The following PRPF8 variants were observed in gnomAD, a reference collection of about 807,000 sequenced individuals.
PRPF8 encodes the protein pre-mRNA processing factor 8.
A neutral mutation model predicts 285.9 loss-of-function variants in PRPF8; 64 were observed. That is an observed-to-expected ratio of 0.22 (90% CI 0.18 to 0.28). The LOEUF (loss-of-function observed/expected upper bound fraction) is 0.28, where lower values mean the gene tolerates loss of function less well. Among genes scored for constraint, PRPF8 ranks in the 10% least tolerant of loss-of-function variants. The pLI, the probability that PRPF8 is intolerant of heterozygous loss-of-function variation, is 1.00. For synonymous variants in PRPF8, 1,325 were observed against 1,118.2 expected (o/e 1.18, Z -3.69); for missense variants, 1,426 against 3,026.7 (o/e 0.47, Z 12.41).
At chr17:1,677,773 C>A in intron 13 of PRPF8, 79 bp from the exon 14 acceptor site, 61 of 1,548,626 alleles carry the variant, frequency 3.9e-5, no homozygotes, top group Middle Eastern at 1.9e-4. Flanking sequence ...AGAGGTGGGG[C>A]ATATATGTAT....
In PRPF8 at chr17:1,654,022, G is replaced by C. The variant is rs1911215322; in HGVS notation, c.5988-6C>G. The C allele has an allele frequency of 2.5e-6, 4 of 1,614,060 alleles. No homozygotes were observed. The highest frequency in any genetic ancestry group is 2.2e-5 in the East Asian group (1 of 44,894). On this transcript the variant is annotated splice_region_variant and splice_polypyrimidine_tract_variant and intron_variant, in intron 37 of 42. Coordinates refer to ENST00000304992, the MANE Select transcript of PRPF8 (RefSeq NM_006445.4). ...TCAGTGATGCCACGTTCACACTGTGGGGATGGTGTGGGTTATATTACAAGG... is the reference window on the plus strand; with the variant it reads ...TCAGTGATGCCACGTTCACACTGTGCGGATGGTGTGGGTTATATTACAAGG...
Position 1,679,698 on chromosome 17 carries a change from A to G in PRPF8, c.1200T>C (p.Asn400=). Residue 400 remains asparagine, a synonymous_variant, in exon 9 of 43, where the codon AAT becomes AAC. Transcript: ENST00000304992. The surrounding 1 kb of genome is among the most constrained non-coding windows in gnomAD (Gnocchi z 4.7). ...DTPLYTDNTA[N]GIALLWAPRP... ...GCGGGGCCCAGAGCAGGGCAATGCC[A>G]TTGGCTGTATTGTCTGTATAGAGGG... 6.2e-7 allele frequency: 1 copy of G among 1,614,166 alleles called. No homozygotes were observed.
In PRPF8 at chr17:1,674,470, A is replaced by T; in HGVS notation, c.3271T>A (p.Tyr1091Asn). The stretch of plus-strand genomic sequence containing the variant: ...AAAAAAATATGGATGCGATCAATGT[A>T]TCTGCAGAAGAGACGGATGGGGTGG... Reference protein sequence around the residue: ...AAHPIRLFCRYIDRIHIFFRF... With the variant: ...AAHPIRLFCRNIDRIHIFFRF... Residue 1091 changes from tyrosine (Y) to asparagine (N), a missense_variant, in exon 21 of 43, where the codon TAC becomes AAC. Around this residue, in one of 34 missense-constraint regions of PRPF8, gnomAD observed 148 missense variants for 196.2 expected, o/e 0.75. Transcript: ENST00000304992. The T allele has an allele frequency of 6.2e-7, 1 of 1,614,204 alleles. No individual in the cohort carries two copies. Among genetic ancestry groups the T allele is most frequent in the South Asian group, 1.1e-5 (1 of 91,084 alleles).
In PRPF8 at chr17:1,651,307, G is replaced by A. The variant is rs1252637974; in HGVS notation, c.6654C>T (p.Phe2218=). 2.5e-6 allele frequency: 4 copies of A among 1,614,042 alleles called. No individual in the cohort carries two copies. The highest frequency in any genetic ancestry group is 1.3e-5 in the African/African-American group (1 of 74,914). ...GEKTIIITCS[F]TPGSCTLTAY... is the part of the protein sequence containing the mutation. Reference sequence around the variant, plus strand: ...CCGTCAGTGTACAGGAGCCTGGCGTGAAGCTGGGGGAGGAACGAGGACAGA... The same window carrying A: ...CCGTCAGTGTACAGGAGCCTGGCGTAAAGCTGGGGGAGGAACGAGGACAGA... The change falls in exon 42 of 43, where the codon TTC becomes TTT. Residue 2218 remains phenylalanine (F), a synonymous_variant. Transcript: ENST00000304992. The surrounding 1 kb of genome is among the most constrained non-coding windows in gnomAD (Gnocchi z 5.1).
In PRPF8 at chr17:1,658,926, G is replaced by A; in HGVS notation, c.5139-163C>T. The A allele has an allele frequency of 2.7e-6, 2 of 727,976 alleles. No individual in the cohort carries two copies. The highest frequency in any genetic ancestry group is 1.5e-5 in the South Asian group (1 of 67,462). 45.1% of individuals were successfully genotyped at this position (727,976 alleles called of 1,614,324 possible). ...AGAAGAGAATCAGTGACCCATAGGA[G>A]GAATGGGCCACTTCCTCTCACTTAG... On this transcript the variant is annotated intron_variant, in intron 32 of 42. Transcript: ENST00000304992. This position sits in a 1 kb window ranked among gnomAD's most constrained non-coding sequence, Gnocchi z 4.1.
chr17:1,673,357 C>T lies in PRPF8; in HGVS notation c.3657G>A (p.Glu1219=). The T allele has an allele frequency of 6.2e-7, 1 of 1,614,070 alleles. No individual in the cohort carries two copies. The highest frequency in any genetic ancestry group is 2.2e-5 in the East Asian group (1 of 44,888). The part of the protein sequence containing the change: ...HKDGVWNLQN[E]VTKERTAQCF... ...ACTCCCAGCCCCGCCCAGGCTGTAC[C>T]TCATTCTGCAGGTTCCAGACCCCGT... Residue 1219 remains glutamate (E), a splice_region_variant and synonymous_variant, in exon 23 of 43, where the codon GAG becomes GAA. Coordinates refer to ENST00000304992, the MANE Select transcript of PRPF8 (RefSeq NM_006445.4). This position sits in a 1 kb window ranked among gnomAD's most constrained non-coding sequence, Gnocchi z 5.5.
chr17:1,669,721 T>C (rs1912203839), intron 24 of PRPF8, among the ~76,000 whole-genome samples: 1 of 152,222 alleles, frequency 6.6e-6, no homozygotes, highest in Non-Finnish European at 1.5e-5. Context: ...TGAAATGCTC[T>C]TAGGCAACTG....
chr17:1,674,367 G>T, intron 21 of PRPF8, 75 bp downstream of exon 21: 1 of 1,461,442 alleles, frequency 6.8e-7, no homozygotes, highest in Non-Finnish European at 9.6e-7. Flanking sequence ...GTCAACTCAG[G>T]TACAATAGCT....
In PRPF8 at chr17:1,673,942, G is replaced by A. The variant is rs756703509; in HGVS notation, c.3300-50C>T. The A allele has an allele frequency of 6.2e-7, 1 of 1,603,754 alleles. No homozygotes were observed. ...GAGGCCCCAGTACACTGAGATTTGG[G>A]ACACCCACAAGTCCTCCAGCTCAAT... On this transcript the variant is annotated intron_variant, in intron 21 of 42. Transcript: ENST00000304992. The surrounding 1 kb of genome is among the most constrained non-coding windows in gnomAD (Gnocchi z 5.5).
In PRPF8 at chr17:1,659,798, GA is replaced by G; in HGVS notation, c.4946+42del. 6.2e-7 allele frequency: 1 copy of G among 1,605,958 alleles called. No individual in the cohort carries two copies. Among genetic ancestry groups the G allele is most frequent in the Non-Finnish European group, 8.5e-7 (1 of 1,173,578 alleles). On this transcript the variant is annotated intron_variant, in intron 31 of 42. Transcript: ENST00000304992. This position sits in a 1 kb window ranked among gnomAD's most constrained non-coding sequence, Gnocchi z 5.1. ...TGCAGGGCTAGAAGAACAGGAAAAC[GA>G]AAGTGTCCTGGCTGCCTAGGGCTGG...
chr17:1,673,276 T>G lies in PRPF8; in HGVS notation c.3658-79A>C. ...GCCAACTGTGCCCACCACTCAAGTCTTTCCACCCAACAAGACTCCGGTGAC... is the reference window on the plus strand; with the variant it reads ...GCCAACTGTGCCCACCACTCAAGTCGTTCCACCCAACAAGACTCCGGTGAC... On this transcript the variant is annotated intron_variant, in intron 23 of 42. Coordinates refer to ENST00000304992, the MANE Select transcript of PRPF8 (RefSeq NM_006445.4). This position sits in a 1 kb window ranked among gnomAD's most constrained non-coding sequence, Gnocchi z 5.5. The G allele has an allele frequency of 2.5e-6, 4 of 1,606,472 alleles. No homozygotes were observed. The South Asian group carries it at 4.4e-5, about 18-fold the overall frequency.
At position 1,658,910 on chromosome 17, in the gene PRPF8, T is replaced by C. The variant is rs908223253; in HGVS notation, c.5139-147A>G. The stretch of plus-strand genomic sequence containing the variant: ...TGTACATACAGGCTGGAGAAGAGAA[T>C]CAGTGACCCATAGGAGGAATGGGCC... On this transcript the variant is annotated intron_variant, in intron 32 of 42. Transcript: ENST00000304992. This position sits in a 1 kb window ranked among gnomAD's most constrained non-coding sequence, Gnocchi z 4.1. 1.8e-5 allele frequency: 14 copies of C among 769,682 alleles called. No individual in the cohort carries two copies. Among genetic ancestry groups the C allele is most frequent in the African/African-American group, 8.6e-5 (5 of 58,362 alleles). 47.7% of individuals were successfully genotyped at this position (769,682 alleles called of 1,614,324 possible).
intron 6 of PRPF8, 151 bp downstream of exon 6, chr17:1,681,327 T>C (rs962257375): frequency 1.7e-5 from 18 of 1,039,640 alleles, no homozygotes; most frequent in Non-Finnish European, 2.1e-5. Context: ...GCAATCCTCC[T>C]GCCTCAGCTT....
chr17:1,671,314 C>T (rs1209412815), intron 24 of PRPF8, among the ~76,000 whole-genome samples: 1 of 152,214 alleles, frequency 6.6e-6, no homozygotes, highest in Non-Finnish European at 1.5e-5. Context: ...TCACAAAAAG[C>T]TGAAACTTTC....
At chr17:1,684,757 G>C (rs1163346084) in intron 1 of PRPF8, 23 bp downstream of exon 1, 2 of 645,198 alleles carry the variant, frequency 3.1e-6, no homozygotes, top group Non-Finnish European at 5.5e-6. Context: ...CCCGCAGCCC[G>C]GCCTTAAACG....
intron 3 of PRPF8, chr17:1,683,329 T>G: frequency 1.5e-6 from 1 of 663,548 alleles, no homozygotes; most frequent in Non-Finnish European, 2.7e-6. Context: ...CAGGACAAAT[T>G]AAAGCACCAG....
rs748175171 is a variant in PRPF8, at chr17:1,658,417, C to T, written c.5377-36G>A. 1.9e-6 allele frequency: 3 copies of T among 1,614,214 alleles called. No individual in the cohort carries two copies. Among genetic ancestry groups the T allele is most frequent in the Admixed American group, 3.3e-5 (2 of 60,032 alleles). On this transcript the variant is annotated intron_variant, in intron 33 of 42. Transcript: ENST00000304992. This position sits in a 1 kb window ranked among gnomAD's most constrained non-coding sequence, Gnocchi z 4.1. ...ACGGCATTCGTTAGCATGGCCTACA[C>T]AACACATCCCCATCCTGCCTTCTTC...
At chr17:1,680,044 TG>T (rs1912820564) in intron 8 of PRPF8, among the ~76,000 whole-genome samples, 1 of 151,764 alleles carries the variant, frequency 6.6e-6, no homozygotes. Flanking sequence ...AGCCTCCCAA[TG>T]GAGCCCCAAC....
At chr17:1,668,094 G>A (rs925265201) in intron 24 of PRPF8, among the ~76,000 whole-genome samples, 1 of 152,202 alleles carries the variant, frequency 6.6e-6, no homozygotes, top group African/African-American at 2.4e-5. Flanking sequence ...TGAGGGAATT[G>A]AGGCCCAGCA....
Sources: gnomAD v4.1 joint callset for allele counts (sites outside exome capture counted in the v4.1 genomes callset) on GRCh38, gnomAD v4.1.1 for gene constraint, gnomAD v4.1.1 regional missense constraint, Gnocchi (gnomAD v3.1) non-coding constraint, MANE v1.5 for transcripts, NCBI Gene and HGNC (gene_info 2026-07-23, HGNC 2026-07-21) for gene names.